The following POLR3A variants were observed in gnomAD, a reference collection of about 807,000 sequenced individuals.
POLR3A encodes DNA-directed RNA polymerase III subunit RPC1.
POLR3A carries 112 observed loss-of-function variants against 152.8 expected under a neutral mutation model. The ratio of observed to expected loss-of-function variants is 0.73; its 90% CI spans 0.63 to 0.86. The LOEUF is 0.86. Ranked by LOEUF, POLR3A falls within the 40% of genes least tolerant of loss-of-function variation. The pLI, the probability that POLR3A is intolerant of heterozygous loss-of-function variation, is 0.00. For synonymous variants in POLR3A, 615 were observed against 652.1 expected (o/e 0.94, Z 0.87); for missense variants, 1,385 against 1,743.1 (o/e 0.79, Z 3.66).
At chr10:78,009,401 A>G in intron 14 of POLR3A, 136 bp downstream of exon 14, 3 of 1,190,238 alleles carry the variant, frequency 2.5e-6, no homozygotes, top group South Asian at 2.5e-5. Context: ...ATTTTCCTGA[A>G]GAAAAAACTT....
At chr10:78,014,859 A>C (rs1847504176) in intron 10 of POLR3A, among the ~76,000 whole-genome samples, 1 of 152,224 alleles carries the variant, frequency 6.6e-6, no homozygotes, top group African/African-American at 2.4e-5. Flanking sequence ...AACAGACCTA[A>C]TTAACAAGCG....
intron 30 of POLR3A, among the ~76,000 whole-genome samples, chr10:77,979,724 G>C (rs1465017628): frequency 2.0e-5 from 3 of 152,188 alleles, no homozygotes; most frequent in Non-Finnish European, 4.4e-5. Context: ...GGCTCAGCAG[G>C]CATTGATGGC....
At chr10:78,028,444 G>T (rs541135174) in intron 1 of POLR3A, among the ~76,000 whole-genome samples, 8 of 152,190 alleles carry the variant, frequency 5.3e-5, no homozygotes, top group African/African-American at 1.9e-4. Context: ...TATTCAGACC[G>T]TATCTTTAAC....
In POLR3A at chr10:78,009,980, G is replaced by A. The variant is rs1847450852; in HGVS notation, c.1654C>T (p.Leu552Phe). The A allele has an allele frequency of 6.2e-7, 1 of 1,614,064 alleles. No individual in the cohort carries two copies. Among genetic ancestry groups the A allele is most frequent in the Non-Finnish European group, 8.5e-7 (1 of 1,179,946 alleles). ...IQDFLTGAYL[L>F]TLKDTFFDRA... is the part of the protein sequence containing the mutation. ...TCAAAGAAAGTGTCCTTGAGAGTGA[G>A]GAGATAGGCACCTAAGCATTAGGAA... is the stretch of plus-strand genomic sequence containing the variant. Residue 552 changes from leucine to phenylalanine, a missense_variant, in exon 13 of 31, where the codon CTC (leucine) becomes TTC (phenylalanine). By Grantham distance (22) the Leu-to-Phe change is conservative (BLOSUM62 0). Around this residue, in one of 7 missense-constraint regions of POLR3A, gnomAD observed 188 missense variants for 179.9 expected, o/e 1.04. Transcript: ENST00000372371.
At chr10:77,984,399 A>T (rs1240081287) in intron 24 of POLR3A, 101 bp from the exon 25 acceptor site, 1 of 766,382 alleles carries the variant, frequency 1.3e-6, no homozygotes, top group Non-Finnish European at 2.4e-6. Context: ...TCATAATGTT[A>T]CTAGCAACCC....
chr10:78,023,769 C>T (rs1219619021), intron 5 of POLR3A, among the ~76,000 whole-genome samples: 1 of 151,548 alleles, frequency 6.6e-6, no homozygotes, highest in Non-Finnish European at 1.5e-5. Context: ...CAGAGAGAGA[C>T]CCTGCCTCAA....
intron 29 of POLR3A, 76 bp from the exon 30 acceptor site, chr10:77,980,349 T>C (rs765284061): frequency 2.1e-6 from 3 of 1,400,990 alleles, no homozygotes; most frequent in Middle Eastern, 1.8e-4. Context: ...CGGTGCACCT[T>C]CAATACAATC....
rs1847077364 is a variant in POLR3A at position 77,975,420 on chromosome 10, G to C, written c.*2058C>G. ...AGCAAGGCTGGCAGTTCCAGGAGGA[G>C]GACCAGCACCTCCAGGACGTATGAC... On this transcript the variant is annotated 3_prime_UTR_variant, in exon 31 of 31. Transcript: ENST00000372371. 1 of 152,244 alleles carries C rather than the reference G, an allele frequency of 6.6e-6. No individual in the cohort carries two copies. 9.4% of individuals were successfully genotyped at this position (152,244 alleles called of 1,614,324 possible).
At chr10:77,985,569 G>T (rs1454587229) in intron 23 of POLR3A, among the ~76,000 whole-genome samples, 2 of 152,222 alleles carry the variant, frequency 1.3e-5, no homozygotes, top group East Asian at 1.9e-4. Context: ...ATTCTGCATG[G>T]CTGCTTGTGG....
intron 8 of POLR3A, 118 bp from the exon 9 acceptor site, chr10:78,019,383 T>A (rs1450172496): frequency 1.3e-6 from 1 of 765,646 alleles, no homozygotes; most frequent in Non-Finnish European, 2.3e-6. Context: ...AAGAGAGGCA[T>A]CCTGGGCAGC....
intron 21 of POLR3A, among the ~76,000 whole-genome samples, chr10:77,986,859 G>A (rs1052050680): frequency 3.9e-5 from 6 of 152,128 alleles, no homozygotes; most frequent in African/African-American, 1.4e-4. Flanking sequence ...TCTCAGCCCC[G>A]GGAGGATGAC....
At position 77,986,065 on chromosome 10, in the gene POLR3A, G is replaced by A. The variant is rs1190017810; in HGVS notation, c.2988+8C>T. 1.3e-6 allele frequency: 2 copies of A among 1,583,824 alleles called. No homozygotes were observed. The highest frequency in any genetic ancestry group is 1.7e-5 in the Admixed American group (1 of 59,964). On this transcript the variant is annotated splice_region_variant and intron_variant, in intron 22 of 30. Transcript: ENST00000372371. Reference sequence around the variant, plus strand: ...TCGGGGTTCTAACGCGTCTTGGAGGGATATTACCTCTGTTGTGCCGTTATC... The same window carrying A: ...TCGGGGTTCTAACGCGTCTTGGAGGAATATTACCTCTGTTGTGCCGTTATC...
In POLR3A at chr10:78,024,531, G is replaced by T; in HGVS notation, c.645+18C>A. On this transcript the variant is annotated intron_variant, in intron 5 of 30. Transcript: ENST00000372371. ...GGCGGGAGGCAGGCGGAAGGCAGGC[G>T]TGCATTCTCAGGCTCACCTGTGCCC... 6.2e-7 allele frequency: 1 copy of T among 1,612,132 alleles called. No individual in the cohort carries two copies. Among genetic ancestry groups the T allele is most frequent in the Non-Finnish European group, 8.5e-7 (1 of 1,179,504 alleles).
At chr10:77,998,826 A>G (rs1847327425) in intron 19 of POLR3A, among the ~76,000 whole-genome samples, 1 of 152,252 alleles carries the variant, frequency 6.6e-6, no homozygotes, top group African/African-American at 2.4e-5. Context: ...ATTATAAATC[A>G]TGCTGCTATA....
intron 26 of POLR3A, among the ~76,000 whole-genome samples, chr10:77,983,615 T>C (rs571795123): frequency 1.3e-5 from 2 of 152,272 alleles, no homozygotes; most frequent in Admixed American, 6.5e-5. Flanking sequence ...AGCCCTAGGG[T>C]CCTTCCAGAC....
At chr10:78,024,855 A>T in intron 4 of POLR3A, 116 bp downstream of exon 4, 1 of 1,416,746 alleles carries the variant, frequency 7.1e-7, no homozygotes, top group East Asian at 2.3e-5. Context: ...TTGGGCTCTT[A>T]AGCCTAATTT....
intron 16 of POLR3A, among the ~76,000 whole-genome samples, chr10:78,004,232 T>A (rs1323862551): frequency 6.6e-6 from 1 of 151,568 alleles, no homozygotes; most frequent in Non-Finnish European, 1.5e-5. Context: ...CATAAAACTA[T>A]GAAAAGCGAG....
At chr10:77,980,951 T>G (rs1253689007) in intron 29 of POLR3A, among the ~76,000 whole-genome samples, 1 of 152,042 alleles carries the variant, frequency 6.6e-6, no homozygotes, top group Non-Finnish European at 1.5e-5. Context: ...GGAAATACGT[T>G]TTTTTTGGAA....
Position 77,991,094 on chromosome 10 carries a change from T to C in POLR3A, c.2861A>G (p.Lys954Arg), listed in dbSNP as rs750006343. Residue 954 changes from lysine (K) to arginine (R), a missense_variant, in exon 21 of 31, where the codon AAG (lysine) becomes AGG (arginine). Physicochemically the swap from Lys to Arg is conservative, Grantham distance 26 (BLOSUM62 2). Around this residue, in one of 7 missense-constraint regions of POLR3A, gnomAD observed 178 missense variants for 204.6 expected, o/e 0.87. Transcript: ENST00000372371. The stretch of plus-strand genomic sequence containing the variant: ...CTGGCAGCAGAGGAACTCACTCTTC[T>C]TCATGATGGACTCTGTGGTCAGGAT... ...ELILTTESIM[K>R]KSEFLCCQDS... is the part of the protein sequence containing the mutation. 6.2e-7 allele frequency: 1 copy of C among 1,613,694 alleles called. No homozygotes were observed. Among genetic ancestry groups the C allele is most frequent in the South Asian group, 1.1e-5 (1 of 91,068 alleles).
Sources: gnomAD v4.1 joint callset for allele counts (sites outside exome capture counted in the v4.1 genomes callset) on GRCh38, gnomAD v4.1.1 for gene constraint, gnomAD v4.1.1 regional missense constraint, MANE v1.5 for transcripts, NCBI Gene and HGNC (gene_info 2026-07-23, HGNC 2026-07-21) for gene names.